Variants in ABCB4 observed in about 807,000 individuals in gnomAD.
ABCB4 encodes ATP binding cassette subfamily B member 4, also known as phosphatidylcholine translocator ABCB4.
ABCB4 carries 76 observed loss-of-function variants against 145.7 expected under a neutral mutation model. The observed-to-expected ratio is 0.52, with a 90% CI of 0.43 to 0.63. The LOEUF is 0.63. ABCB4 is among the 30% of genes least tolerant of loss of function. The pLI is 0.00. For missense variants in ABCB4, 1,234 were observed against 1,553.1 expected, an observed-to-expected ratio of 0.79 and a Z score of 3.45; for synonymous variants, 517 against 566.8, an observed-to-expected ratio of 0.91 and a Z score of 1.25.
At chr7:87,387,493 A>T in the ABCB4 span, among the ~76,000 whole-genome samples, 1 of 151,904 alleles carries the variant, frequency 6.6e-6, no homozygotes, top group Non-Finnish European at 1.5e-5. Context: ...ACCCTTCAAC[A>T]TCATGGAGGT....
chr7:87,473,492 T>A (rs1045873900), intron 2 of ABCB4, among the ~76,000 whole-genome samples: 1 of 152,158 alleles, frequency 6.6e-6, no homozygotes, highest in Non-Finnish European at 1.5e-5. Flanking sequence ...CACAGCTGTC[T>A]CCTCTCATTT....
At chr7:87,432,153 T>C (rs1276735421) in intron 14 of ABCB4, among the ~76,000 whole-genome samples, 2 of 152,216 alleles carry the variant, frequency 1.3e-5, no homozygotes, top group Non-Finnish European at 2.9e-5. Flanking sequence ...CCCTAGGTGA[T>C]TTTTATGCAT....
In ABCB4 at chr7:87,432,592, A is replaced by C. The variant is rs1031339752; in HGVS notation, c.1732-1027T>G. Among the ~76,000 whole-genome samples, 29 of 152,210 alleles carry C rather than the reference A, an allele frequency of 1.9e-4. 1 individual carries two copies. Among genetic ancestry groups the C allele is most frequent in the African/African-American group, 6.8e-4 (28 of 41,452 alleles). Reference sequence around the variant, plus strand: ...ATCACAACATAGATGAACTTTGAAAACATTGTGCTAAGTGAAAGAAGCCAG... The same window carrying C: ...ATCACAACATAGATGAACTTTGAAACCATTGTGCTAAGTGAAAGAAGCCAG... On this transcript the variant is annotated intron_variant, in intron 14 of 27. Coordinates refer to ENST00000649586, the MANE Select transcript of ABCB4 (RefSeq NM_000443.4).
chr7:87,369,612 A>T, the ABCB4 span: 2,431 of 335,122 alleles, frequency 7.3e-3, 15 homozygotes, highest in African/African-American at 0.013. Flanking sequence ...ATGCTTTTTT[A>T]AAAAAAAATC....
rs1301661185 is a variant in ABCB4 at position 87,440,379 on chromosome 7, A to G, written c.1380T>C (p.Ile460=). Residue 460 remains isoleucine, a synonymous_variant, in exon 13 of 28, where the codon ATT becomes ATC. Transcript: ENST00000649586. ...TCAGATAGTTTACATTAAAGTTCCT[A>G]ATATCCTGCCCATCAATGTTAATCT... The part of the protein sequence containing the change: ...EGTINIDGQD[I]RNFNVNYLRE... The G allele has an allele frequency of 6.2e-7, 1 of 1,613,958 alleles. No homozygotes were observed. The highest frequency in any genetic ancestry group is 8.5e-7 in the Non-Finnish European group (1 of 1,179,980).
chr7:87,426,773 G>A lies in ABCB4; in HGVS notation c.2041C>T (p.Leu681Phe). ...LKNSQMCQKS[L>F]DVETDGLEAN... ...ACAAGTCCATCGGTTTCCACATCAAGGCTCTTCTGACACATTTGTGAATTT... is the reference window on the plus strand; with the variant it reads ...ACAAGTCCATCGGTTTCCACATCAAAGCTCTTCTGACACATTTGTGAATTT... Residue 681 changes from leucine to phenylalanine, a missense_variant, in exon 16 of 28, where the codon CTT (leucine) becomes TTT (phenylalanine). Physicochemically the swap from Leu to Phe is conservative, Grantham distance 22 (BLOSUM62 0). Coordinates refer to ENST00000649586, the MANE Select transcript of ABCB4 (RefSeq NM_000443.4). 2 of 1,613,918 alleles carry A rather than the reference G, an allele frequency of 1.2e-6. No homozygotes were observed. The highest frequency in any genetic ancestry group is 1.7e-6 in the Non-Finnish European group (2 of 1,179,914).
chr7:87,444,791 G>T, intron 10 of ABCB4, 71 bp downstream of exon 10: 1 of 1,153,356 alleles, frequency 8.7e-7, no homozygotes, highest in Non-Finnish European at 1.3e-6. Flanking sequence ...TCAAAAATAT[G>T]CAAACTAAAG....
At chr7:87,418,814 C>T (rs1172276744) in intron 19 of ABCB4, among the ~76,000 whole-genome samples, 194 bp from the exon 20 acceptor site, 1 of 152,156 alleles carries the variant, frequency 6.6e-6, no homozygotes, top group Non-Finnish European at 1.5e-5. Context: ...TCTGTGGTAG[C>T]AGGGAGGGCA....
intron 18 of ABCB4, among the ~76,000 whole-genome samples, chr7:87,421,905 G>GA (rs1488531309): frequency 6.6e-6 from 1 of 152,162 alleles, no homozygotes; most frequent in African/African-American, 2.4e-5. Context: ...CCTTGGTAAT[G>GA]AATGTCTGCT....
At chr7:87,389,642 G>A in the ABCB4 span, among the ~76,000 whole-genome samples, 1 of 152,086 alleles carries the variant, frequency 6.6e-6, no homozygotes, top group Non-Finnish European at 1.5e-5. Flanking sequence ...GGCTAGGGGA[G>A]GGATAGCATT....
Position 87,412,018 on chromosome 7 carries a change from C to A in ABCB4, c.2799G>T (p.Lys933Asn), listed in dbSNP as rs1471808935. The A allele has an allele frequency of 6.2e-7, 1 of 1,613,652 alleles. No homozygotes were observed. The highest frequency in any genetic ancestry group is 8.5e-7 in the Non-Finnish European group (1 of 1,179,710). ...TAAAAGTAATTCCATAGATGTGTGC[C>A]TTCTGCACAGAATTCCTGAAAAGCA... is the stretch of plus-strand genomic sequence containing the variant. ...LYGPYRNSVQ[K>N]AHIYGITFSI... Residue 933 changes from lysine to asparagine, a missense_variant, in exon 23 of 28, where the codon AAG (lysine) becomes AAT (asparagine). Physicochemically the swap from Lys to Asn is moderately conservative, Grantham distance 94. Coordinates refer to ENST00000649586, the MANE Select transcript of ABCB4 (RefSeq NM_000443.4).
chr7:87,387,203 G>A, the ABCB4 span, among the ~76,000 whole-genome samples: 2 of 151,918 alleles, frequency 1.3e-5, no homozygotes, highest in Admixed American at 6.6e-5. Flanking sequence ...GTGGGGAAGA[G>A]TGAAGCCAGA....
At chr7:87,436,468 A>C (rs1810617798) in intron 14 of ABCB4, among the ~76,000 whole-genome samples, 1 of 152,232 alleles carries the variant, frequency 6.6e-6, no homozygotes, top group Non-Finnish European at 1.5e-5. Flanking sequence ...GATTCTAAGT[A>C]AACTCACAAA....
At chr7:87,442,339 T>A (rs1421890063) in intron 12 of ABCB4, among the ~76,000 whole-genome samples, 3 of 152,160 alleles carry the variant, frequency 2.0e-5, no homozygotes, top group Admixed American at 6.5e-5. Context: ...ATTCTGGAGA[T>A]CTCTGTTCTG....
intron 17 of ABCB4, chr7:87,423,499 GT>G: frequency 4.0e-6 from 1 of 250,048 alleles, no homozygotes; most frequent in South Asian, 5.3e-5. Flanking sequence ...CTATTGAGTG[GT>G]GAGGCCAGTC....
At chr7:87,475,610 C>G (rs1306307399) in intron 1 of ABCB4, 24 bp downstream of exon 1, 2 of 806,678 alleles carry the variant, frequency 2.5e-6, no homozygotes, top group African/African-American at 3.4e-5. Flanking sequence ...CCTTCGAGGC[C>G]AGACGCGCCC....
chr7:87,453,131 C>A lies in ABCB4; in HGVS notation c.349G>T (p.Ala117Ser). 1 of 1,613,314 alleles carries A rather than the reference C, an allele frequency of 6.2e-7. No individual in the cohort carries two copies. The highest frequency in any genetic ancestry group is 2.2e-5 in the East Asian group (1 of 44,856). ...GCACCCAATCCTGAGTAGTAATATG[C>A]ATATCTGAAAAAAAAGAGAAAGGCT... ...KILEEEMTRY[A>S]YYYSGLGAGV... The change falls in exon 6 of 28, where the codon GCA becomes TCA. Residue 117 changes from alanine to serine, a missense_variant. By Grantham distance (99) the Ala-to-Ser change is moderately conservative. Transcript: ENST00000649586.
At position 87,411,962 on chromosome 7, in the gene ABCB4, T is replaced by C. The variant is rs1251277786; in HGVS notation, c.2855A>G (p.Tyr952Cys). The C allele has an allele frequency of 1.9e-6, 3 of 1,613,920 alleles. No individual in the cohort carries two copies. Among genetic ancestry groups the C allele is most frequent in the Non-Finnish European group, 2.5e-6 (3 of 1,179,842 alleles). ...SISQAFMYFS[Y>C]AGCFRFGAYL... ...TGCACCAAATCGAAAACAACCGGCATAGGAAAAATACATAAATGCTTGTGA... is the reference window on the plus strand; with the variant it reads ...TGCACCAAATCGAAAACAACCGGCACAGGAAAAATACATAAATGCTTGTGA... The change falls in exon 23 of 28, where the codon TAT becomes TGT. Residue 952 changes from tyrosine to cysteine, a missense_variant. Tyr to Cys is a radical substitution (Grantham distance 194, BLOSUM62 -2). Transcript: ENST00000649586.
intron 4 of ABCB4, among the ~76,000 whole-genome samples, chr7:87,458,574 G>C (rs1281884976): frequency 6.6e-6 from 1 of 152,146 alleles, no homozygotes; most frequent in East Asian, 1.9e-4. Context: ...CAACCCCCAT[G>C]ATTTTTGTTA....
Sources: gnomAD v4.1 joint callset for allele counts (sites outside exome capture counted in the v4.1 genomes callset) on GRCh38, gnomAD v4.1.1 for gene constraint, MANE v1.5 for transcripts, NCBI Gene and HGNC (gene_info 2026-07-23, HGNC 2026-07-21) for gene names.